Variants in NCAM2 observed in about 807,000 individuals in gnomAD.
The protein encoded by NCAM2 is N-CAM-2.
NCAM2 carries 30 observed loss-of-function variants against 98.1 expected under a neutral mutation model. That is an observed-to-expected ratio of 0.31 (90% CI 0.23 to 0.41). The LOEUF is 0.41. Ranked by LOEUF, NCAM2 falls within the 10% of genes least tolerant of loss-of-function variation. NCAM2 has a pLI of 1.00. For missense variants in NCAM2, 867 were observed against 1,005.8 expected (o/e 0.86, Z 1.87); for synonymous variants, 368 against 342.4 (o/e 1.07, Z -0.83).
intron 16 of NCAM2, among the ~76,000 whole-genome samples, chr21:21,524,339 A>G (rs771910281): frequency 2.0e-5 from 3 of 152,050 alleles, no homozygotes; most frequent in Non-Finnish European, 2.9e-5. Context: ...GCAAAAATTA[A>G]TACAACTTAA....
chr21:21,182,825 T>TGGG (rs2068522900), intron 1 of NCAM2, among the ~76,000 whole-genome samples: 2 of 152,170 alleles, frequency 1.3e-5, no homozygotes, highest in Non-Finnish European at 2.9e-5. Context: ...GCAGCATTGT[T>TGGG]CCTACTAAGA....
chr21:21,102,973 A>T (rs1039751279), intron 1 of NCAM2, among the ~76,000 whole-genome samples: 1 of 151,972 alleles, frequency 6.6e-6, no homozygotes, highest in East Asian at 1.9e-4. Flanking sequence ...AAGTCCCATC[A>T]CCTAATGCAT....
chr21:21,117,944 C>A (rs1337357638), intron 1 of NCAM2, among the ~76,000 whole-genome samples: 2 of 152,142 alleles, frequency 1.3e-5, no homozygotes, highest in African/African-American at 4.8e-5. Context: ...ATTTATTAAA[C>A]TAAGTTGCCT....
chr21:21,180,259 G>T (rs985288671), intron 1 of NCAM2, among the ~76,000 whole-genome samples: 1 of 152,110 alleles, frequency 6.6e-6, no homozygotes, highest in Non-Finnish European at 1.5e-5. Context: ...TAATTTTATG[G>T]ATACATAATA....
At position 21,284,490 on chromosome 21, in the gene NCAM2, G is replaced by C. The variant is rs2073034382; in HGVS notation, c.337+90G>C. 7 of 936,406 alleles carry C rather than the reference G, an allele frequency of 7.5e-6. No individual in the cohort carries two copies. In the South Asian group the frequency reaches 9.1e-5, roughly 12 times the overall value. 58.0% of individuals were successfully genotyped at this position (936,406 alleles called of 1,614,324 possible). ...TAAAATGTTTGATAACACTTATTAA[G>C]AACTATGTGCTTTGAAAATAAATAT... On this transcript the variant is annotated intron_variant, in intron 3 of 17. Coordinates refer to ENST00000400546, the MANE Select transcript of NCAM2 (RefSeq NM_004540.5).
intron 16 of NCAM2, among the ~76,000 whole-genome samples, chr21:21,526,694 G>A (rs1989343397): frequency 6.6e-6 from 1 of 152,090 alleles, no homozygotes; most frequent in African/African-American, 2.4e-5. Flanking sequence ...GTGTAAATGT[G>A]TAGGATTGAC....
intron 1 of NCAM2, among the ~76,000 whole-genome samples, chr21:21,063,181 C>CAAGTCAT (rs1299948221): frequency 6.8e-6 from 1 of 147,218 alleles, no homozygotes; most frequent in African/African-American, 2.5e-5. Context: ...CCTGGTCCCT[C>CAAGTCAT]AAGTCATAGC....
chr21:21,481,339 G>C (rs1985864413), intron 15 of NCAM2, among the ~76,000 whole-genome samples: 1 of 152,164 alleles, frequency 6.6e-6, no homozygotes, highest in African/African-American at 2.4e-5. Flanking sequence ...TGGAAAAACA[G>C]GAGCGTAGTA....
intron 6 of NCAM2, among the ~76,000 whole-genome samples, chr21:21,326,990 G>A (rs1050621032): frequency 6.6e-6 from 1 of 152,134 alleles, no homozygotes; most frequent in African/African-American, 2.4e-5. Flanking sequence ...ATTTCCAAGC[G>A]AGATAAGTGA....
At chr21:21,068,135 C>CTTTTTT (rs68078560) in intron 1 of NCAM2, among the ~76,000 whole-genome samples, 2 of 88,558 alleles carry the variant, frequency 2.3e-5, no homozygotes, top group African/African-American at 8.1e-5. Flanking sequence ...ACTTTTTTTT[C>CTTTTTT]TTTTTTTTTT....
At chr21:21,338,322 A>G in intron 7 of NCAM2, 67 bp from the exon 8 acceptor site, 5 of 1,450,542 alleles carry the variant, frequency 3.4e-6, no homozygotes, top group Non-Finnish European at 2.9e-6. Context: ...AACACCCATC[A>G]TGACTTTTGT....
At chr21:21,334,078 G>A (rs901592862) in intron 6 of NCAM2, among the ~76,000 whole-genome samples, 10 of 151,802 alleles carry the variant, frequency 6.6e-5, no homozygotes, top group African/African-American at 1.9e-4. Flanking sequence ...GATTACAGGC[G>A]CCTGCTACCA....
intron 1 of NCAM2, among the ~76,000 whole-genome samples, chr21:21,059,418 A>G (rs1358981023): frequency 6.6e-6 from 1 of 152,116 alleles, no homozygotes; most frequent in Non-Finnish European, 1.5e-5. Flanking sequence ...CTTAATTTAA[A>G]TAAAATTAAT....
chr21:21,537,604 A>C (rs549662570), intron 17 of NCAM2, among the ~76,000 whole-genome samples: 1 of 149,438 alleles, frequency 6.7e-6, no homozygotes, highest in African/African-American at 2.4e-5. Flanking sequence ...TAAAAGGCCA[A>C]GTAATTGTTT....
Position 21,538,248 on chromosome 21 carries a change from T to C in NCAM2, c.*291T>C, listed in dbSNP as rs1209928695. ...ATGACTGAAGTACTGGAATTTATTA[T>C]GTGGCTAAAGTGCTCTATTTATTAA... On this transcript the variant is annotated 3_prime_UTR_variant, in exon 18 of 18. Transcript: ENST00000400546. The C allele has an allele frequency of 1.0e-5, 2 of 198,042 alleles. No individual in the cohort carries two copies. Among genetic ancestry groups the C allele is most frequent in the African/African-American group, 2.3e-5 (1 of 43,282 alleles). 12.3% of individuals were successfully genotyped at this position (198,042 alleles called of 1,614,324 possible). A position where few individuals can be genotyped will look rare whatever the true frequency, so the allele number is the denominator to read the frequency against.
At chr21:21,456,747 A>G (rs1982205538) in intron 12 of NCAM2, among the ~76,000 whole-genome samples, 1 of 152,100 alleles carries the variant, frequency 6.6e-6, no homozygotes, top group Admixed American at 6.6e-5. Context: ...GGGCTTTGAG[A>G]GGTATTAAAT....
intron 10 of NCAM2, among the ~76,000 whole-genome samples, chr21:21,412,104 A>C (rs1473762630): frequency 5.3e-5 from 8 of 152,232 alleles, no homozygotes. Context: ...TTGAAATCAC[A>C]GAAATTTGTT....
intron 15 of NCAM2, among the ~76,000 whole-genome samples, chr21:21,499,918 A>C (rs1283077330): frequency 4.6e-5 from 7 of 152,148 alleles, no homozygotes; most frequent in Non-Finnish European, 7.4e-5. Flanking sequence ...CTGAAGATAT[A>C]AAATGTTAGA....
At chr21:21,457,940 T>C (rs1982395763) in intron 12 of NCAM2, among the ~76,000 whole-genome samples, 1 of 152,208 alleles carries the variant, frequency 6.6e-6, no homozygotes, top group African/African-American at 2.4e-5. Context: ...ACATTTGATA[T>C]AGAGATTGAT....
Sources: allele counts gnomAD v4.1 joint callset (sites outside exome capture counted in the v4.1 genomes callset), GRCh38; gene constraint gnomAD v4.1.1; transcripts MANE v1.5; gene names NCBI Gene and HGNC (gene_info 2026-07-23, HGNC 2026-07-21).